Variants in NHS observed in about 807,000 individuals in gnomAD.
NHS encodes NHS actin remodeling regulator, also known as actin remodeling regulator NHS.
In NHS, 5 loss-of-function variants were observed where a neutral mutation model predicts 72.5. The ratio of observed to expected loss-of-function variants is 0.07; its 90% CI spans 0.04 to 0.14. The LOEUF (loss-of-function observed/expected upper bound fraction) is 0.14. Among genes scored for constraint, NHS ranks in the 10% least tolerant of loss-of-function variants. The probability of loss-of-function intolerance (pLI) is 1.00; values close to 1 mark genes in which losing one functional copy is unlikely to be tolerated. For missense variants in NHS, 1,072 were observed against 1,355.7 expected (o/e 0.79, Z 3.29); for synonymous variants, 464 against 547.7 (o/e 0.85, Z 2.13).
At position 17,725,780 on chromosome X, in the gene NHS, G is replaced by A. The variant is rs1342556504; in HGVS notation, c.1674G>A (p.Gln558=). The change falls in exon 7 of 9, where the codon CAG becomes CAA. Residue 558 remains glutamine (Q), a synonymous_variant. Coordinates refer to ENST00000676302, the MANE Select transcript of NHS (RefSeq NM_001291867.2). ...APSSPSAQDH[Q]PTLGLACSQH... ...GCAGCCCGAGTGCCCAGGACCACCAGCCTACTTTGGGCCTGGCCTGCTCTC... is the reference window on the plus strand; with the variant it reads ...GCAGCCCGAGTGCCCAGGACCACCAACCTACTTTGGGCCTGGCCTGCTCTC... 2 of 1,211,557 alleles carry A rather than the reference G, an allele frequency of 1.7e-6. No homozygotes were observed. The highest frequency in any genetic ancestry group is 4.3e-5 in the Admixed American group (2 of 46,044).
At chrX:17,520,717 A>C (rs938383369) in intron 1 of NHS, among the ~76,000 whole-genome samples, 3 of 112,026 alleles carry the variant, frequency 2.7e-5, no homozygotes, top group Non-Finnish European at 3.8e-5. Flanking sequence ...TTTGGGTGAA[A>C]TTGTGCAAGC....
chrX:17,513,848 C>T (rs1189571848), intron 1 of NHS, among the ~76,000 whole-genome samples: 3 of 112,249 alleles, frequency 2.7e-5, no homozygotes. Flanking sequence ...AATATTCTTC[C>T]TGGATGTGTG....
chrX:17,407,713 A>AC (rs1460246525), intron 1 of NHS, among the ~76,000 whole-genome samples: 6 of 111,519 alleles, frequency 5.4e-5, no homozygotes, highest in African/African-American at 2.0e-4. Flanking sequence ...TGACCATATA[A>AC]CCTTTTATTT....
chrX:17,465,835 A>T (rs765138001), intron 1 of NHS, among the ~76,000 whole-genome samples: 1 of 112,466 alleles, frequency 8.9e-6, no homozygotes, highest in African/African-American at 3.2e-5. Flanking sequence ...TTTTACATCC[A>T]TTGCCTGAAA....
intron 1 of NHS, among the ~76,000 whole-genome samples, chrX:17,549,979 G>A (rs932477042): frequency 3.9e-4 from 43 of 111,584 alleles, no homozygotes; most frequent in African/African-American, 1.3e-3. Context: ...TACTAATGGG[G>A]AGCTCAAGTT....
intron 1 of NHS, among the ~76,000 whole-genome samples, chrX:17,639,526 G>A (rs1232465802): frequency 9.0e-6 from 1 of 111,028 alleles, no homozygotes; most frequent in Non-Finnish European, 1.9e-5. Flanking sequence ...GGGTTGCACC[G>A]AGAGCCAAAC....
intron 1 of NHS, among the ~76,000 whole-genome samples, chrX:17,402,764 A>G (rs1004813198): frequency 6.3e-5 from 7 of 111,900 alleles, no homozygotes; most frequent in Non-Finnish European, 1.3e-4. Context: ...AAACCATCAA[A>G]TTACACATTT....
At chrX:17,388,147 A>G (rs1031925069) in intron 1 of NHS, among the ~76,000 whole-genome samples, 3 of 112,034 alleles carry the variant, frequency 2.7e-5, no homozygotes, top group Non-Finnish European at 3.8e-5. Flanking sequence ...AAATTGACCA[A>G]TAATCTTATT....
intron 1 of NHS, among the ~76,000 whole-genome samples, chrX:17,465,179 G>C: frequency 9.0e-6 from 1 of 111,587 alleles, no homozygotes; most frequent in Non-Finnish European, 1.9e-5. Context: ...ATTGTGGATT[G>C]TAGGTGTCTG....
chrX:17,376,213 G>A lies in NHS; in HGVS notation c.456G>A (p.Glu152=). 8.4e-7 allele frequency: 1 copy of A among 1,187,632 alleles called. No homozygotes were observed. Among genetic ancestry groups the A allele is most frequent in the South Asian group, 1.8e-5 (1 of 55,042 alleles). The stretch of plus-strand genomic sequence containing the variant: ...GGCACGCTTGCAGCCTCTTCCAGGA[G>A]CTCGAGAGCGACATCCAGCTCACCC... ...VARHACSLFQ[E]LESDIQLTHR... The change falls in exon 1 of 9, where the codon GAG becomes GAA. Residue 152 remains glutamate, a synonymous_variant. Coordinates refer to ENST00000676302, the MANE Select transcript of NHS (RefSeq NM_001291867.2).
intron 3 of NHS, among the ~76,000 whole-genome samples, chrX:17,698,409 T>C (rs1256864218): frequency 8.9e-6 from 1 of 112,123 alleles, no homozygotes; most frequent in African/African-American, 3.2e-5. Context: ...TTAGAATTGG[T>C]AAGCTTAAAC....
chrX:17,549,926 T>C (rs1041368964), intron 1 of NHS, among the ~76,000 whole-genome samples: 1 of 111,514 alleles, frequency 9.0e-6, no homozygotes, highest in African/African-American at 3.3e-5. Context: ...GGGATGTCTT[T>C]TAGAGACAAC....
intron 1 of NHS, among the ~76,000 whole-genome samples, chrX:17,615,114 ATATACACACATATACATATGTG>A: frequency 1.0e-5 from 1 of 97,713 alleles, no homozygotes; most frequent in African/African-American, 3.8e-5. Flanking sequence ...GTATATATAT[ATATACACACATATACATATGTG>A]TGTATATATA....
intron 1 of NHS, among the ~76,000 whole-genome samples, chrX:17,504,246 A>G (rs1202101707): frequency 1.8e-5 from 2 of 111,965 alleles, no homozygotes; most frequent in Non-Finnish European, 3.8e-5. Context: ...ATCTGCAGAG[A>G]TGCGAAAGTT....
At chrX:17,476,553 T>C (rs2064918955) in intron 1 of NHS, among the ~76,000 whole-genome samples, 1 of 111,303 alleles carries the variant, frequency 9.0e-6, no homozygotes, top group Admixed American at 9.5e-5. Context: ...GATCCTGGCA[T>C]AATGATTCAA....
intron 1 of NHS, among the ~76,000 whole-genome samples, chrX:17,383,466 T>A: frequency 8.9e-6 from 1 of 112,185 alleles, no homozygotes; most frequent in Non-Finnish European, 1.9e-5. Context: ...AAAAGAGGTT[T>A]AATTGACTCA....
At chrX:17,678,518 G>A (rs2066101069) in intron 1 of NHS, among the ~76,000 whole-genome samples, 1 of 111,431 alleles carries the variant, frequency 9.0e-6, no homozygotes, top group Non-Finnish European at 1.9e-5. Flanking sequence ...GCAGGAGCTG[G>A]ACTGAGAGGG....
chrX:17,702,750 A>G (rs2066273047), intron 3 of NHS, among the ~76,000 whole-genome samples: 1 of 112,162 alleles, frequency 8.9e-6, no homozygotes, highest in African/African-American at 3.2e-5. Flanking sequence ...AGGAATTTTA[A>G]ATATGCAAGT....
chrX:17,577,544 G>A (rs769949640), intron 1 of NHS, among the ~76,000 whole-genome samples: 2 of 111,420 alleles, frequency 1.8e-5, no homozygotes, highest in African/African-American at 6.5e-5. Flanking sequence ...TTAGCCACCT[G>A]AATTTTAACA....
Sources: gnomAD v4.1 joint callset for allele counts (sites outside exome capture counted in the v4.1 genomes callset) on GRCh38, gnomAD v4.1.1 for gene constraint, MANE v1.5 for transcripts, NCBI Gene and HGNC (gene_info 2026-07-23, HGNC 2026-07-21) for gene names.